NRXN1: variants seen among roughly 807,000 people sequenced by gnomAD.
NRXN1 encodes the protein neurexin 1.
NRXN1 carries 39 observed loss-of-function variants against 150.9 expected under a neutral mutation model. The ratio of observed to expected loss-of-function variants is 0.26; its 90% CI spans 0.20 to 0.34. The LOEUF (loss-of-function observed/expected upper bound fraction) is 0.34, where lower values mean the gene tolerates loss of function less well. Among genes scored for constraint, NRXN1 ranks in the 10% least tolerant of loss-of-function variants. NRXN1 has a pLI of 1.00. For missense variants in NRXN1, 1,815 were observed against 1,949.9 expected, an observed-to-expected ratio of 0.93 and a Z score of 1.30; for synonymous variants, 924 against 757.0, an observed-to-expected ratio of 1.22 and a Z score of -3.62.
intron 2 of NRXN1, among the ~76,000 whole-genome samples, chr2:51,025,556 TA>T (rs1664735038): frequency 6.6e-6 from 1 of 152,190 alleles, no homozygotes; most frequent in Non-Finnish European, 1.5e-5. Flanking sequence ...GGAAGGAAGC[TA>T]TATTTCATGG....
intron 5 of NRXN1, among the ~76,000 whole-genome samples, chr2:50,861,502 T>C (rs568015931): frequency 1.3e-5 from 2 of 152,254 alleles, no homozygotes; most frequent in South Asian, 2.1e-4. Flanking sequence ...AAATAATGTA[T>C]ACTGATTCGT....
chr2:50,242,074 C>T (rs1431901808), intron 17 of NRXN1, among the ~76,000 whole-genome samples: 2 of 151,666 alleles, frequency 1.3e-5, no homozygotes, highest in Non-Finnish European at 3.0e-5. Context: ...GTAGCCAACA[C>T]GAAACATTCA....
intron 19 of NRXN1, among the ~76,000 whole-genome samples, chr2:50,070,633 A>G (rs932247836): frequency 1.3e-5 from 2 of 151,290 alleles, no homozygotes; most frequent in African/African-American, 4.8e-5. Flanking sequence ...ATCCGGGCGT[A>G]GTGGCGGGCG....
At chr2:50,134,777 G>A (rs1324336975) in intron 18 of NRXN1, among the ~76,000 whole-genome samples, 1 of 152,068 alleles carries the variant, frequency 6.6e-6, no homozygotes, top group Admixed American at 6.5e-5. Context: ...CTCACAAACT[G>A]AGTCGCAGGT....
chr2:50,752,497 A>G (rs934936960), intron 5 of NRXN1, among the ~76,000 whole-genome samples: 6 of 151,944 alleles, frequency 3.9e-5, no homozygotes, highest in African/African-American at 1.4e-4. Flanking sequence ...AGGATTTCAA[A>G]CTGCTGATCT....
Position 50,552,797 on chromosome 2 carries a change from T to A in NRXN1, c.1549A>T (p.Ile517Phe). Reference sequence around the variant, plus strand: ...CTTGGCTTGCCATGGCTAAATAAGATGAGGCCATTTGGCTCTGTTGTACGG... The same window carrying A: ...CTTGGCTTGCCATGGCTAAATAAGAAGAGGCCATTTGGCTCTGTTGTACGG... ...DFRTTEPNGL[I>F]LFSHGKPRHQ... Residue 517 changes from isoleucine (I) to phenylalanine (F), a missense_variant, in exon 9 of 23, where the codon ATC becomes TTC. By Grantham distance (21) the Ile-to-Phe change is conservative. Transcript: ENST00000401669. 1.2e-6 allele frequency: 2 copies of A among 1,614,010 alleles called. No homozygotes were observed. The highest frequency in any genetic ancestry group is 1.7e-6 in the Non-Finnish European group (2 of 1,179,872).
At chr2:50,834,461 C>G (rs1438549255) in intron 5 of NRXN1, among the ~76,000 whole-genome samples, 1 of 152,042 alleles carries the variant, frequency 6.6e-6, no homozygotes, top group Non-Finnish European at 1.5e-5. Context: ...AAAACAATAA[C>G]TATAACAAAA....
At chr2:50,362,993 G>T (rs1309498400) in intron 17 of NRXN1, among the ~76,000 whole-genome samples, 1 of 152,104 alleles carries the variant, frequency 6.6e-6, no homozygotes, top group Non-Finnish European at 1.5e-5. Flanking sequence ...AATGGGGAAA[G>T]GATCCCCTAT....
At chr2:50,159,588 A>C (rs1370737083) in intron 18 of NRXN1, among the ~76,000 whole-genome samples, 1 of 152,208 alleles carries the variant, frequency 6.6e-6, no homozygotes, top group East Asian at 1.9e-4. Flanking sequence ...TAGCATGAGA[A>C]GCTCAAGTGA....
chr2:50,757,774 G>A (rs1018207456), intron 5 of NRXN1, among the ~76,000 whole-genome samples: 3 of 151,580 alleles, frequency 2.0e-5, no homozygotes, highest in African/African-American at 7.3e-5. Flanking sequence ...CCTCAAGAGA[G>A]GAGGTAACAT....
rs1015390891 is a variant in NRXN1 at position 49,997,813 on chromosome 2, G to A, written c.4129-54022C>T. Among the ~76,000 whole-genome samples, 3 of 152,082 alleles carry A rather than the reference G, an allele frequency of 2.0e-5. 1 individual carries two copies. The South Asian group carries it at 6.2e-4, about 31-fold the overall frequency. ...TTCATCTCTCTAAGATGAGTCTGAG[G>A]TCACTCTCTGCCTGGGAATCTGAGG... is the stretch of plus-strand genomic sequence containing the variant. On this transcript the variant is annotated intron_variant, in intron 21 of 22. Transcript: ENST00000401669.
intron 21 of NRXN1, among the ~76,000 whole-genome samples, chr2:50,039,689 G>A (rs546148524): frequency 5.5e-4 from 84 of 152,272 alleles, no homozygotes; most frequent in Non-Finnish European, 7.4e-4. Flanking sequence ...GTAGGTTGTT[G>A]AGGGAAAGAG....
intron 8 of NRXN1, among the ~76,000 whole-genome samples, chr2:50,588,148 T>C (rs1435460133): frequency 6.6e-6 from 1 of 152,180 alleles, no homozygotes; most frequent in Non-Finnish European, 1.5e-5. Flanking sequence ...GCCTATGTTC[T>C]AGGAGAGTTA....
intron 17 of NRXN1, among the ~76,000 whole-genome samples, chr2:50,383,187 G>C (rs1281008328): frequency 6.6e-6 from 1 of 152,132 alleles, no homozygotes; most frequent in Admixed American, 6.6e-5. Flanking sequence ...ATACTATTGT[G>C]AGGATTTCAG....
intron 18 of NRXN1, among the ~76,000 whole-genome samples, chr2:50,151,243 A>C (rs1317691427): frequency 6.6e-6 from 1 of 151,664 alleles, no homozygotes; most frequent in East Asian, 1.9e-4. Context: ...GGAGCCAATA[A>C]ATCTCCCCCT....
intron 21 of NRXN1, among the ~76,000 whole-genome samples, chr2:49,964,046 C>T (rs1281347297): frequency 6.6e-6 from 1 of 152,174 alleles, no homozygotes; most frequent in Non-Finnish European, 1.5e-5. Context: ...AGGCACAATG[C>T]TTCTAAAGCT....
chr2:50,139,374 T>C (rs1410047581), intron 18 of NRXN1, among the ~76,000 whole-genome samples: 2 of 150,334 alleles, frequency 1.3e-5, no homozygotes, highest in African/African-American at 4.9e-5. Flanking sequence ...CATGTGAACC[T>C]GAACTAATGT....
chr2:49,974,586 T>C (rs1678613922), intron 21 of NRXN1, among the ~76,000 whole-genome samples: 1 of 152,192 alleles, frequency 6.6e-6, no homozygotes, highest in East Asian at 1.9e-4. Flanking sequence ...AACTGTGCAA[T>C]TAGCATGGAA....
At chr2:50,053,650 G>T in intron 20 of NRXN1, 60 bp from the exon 21 acceptor site, 1 of 1,527,706 alleles carries the variant, frequency 6.5e-7, no homozygotes, top group Non-Finnish European at 9.1e-7. Context: ...TATCTACAAT[G>T]GATGATAAAA....
Sources: gnomAD v4.1 joint callset for allele counts (sites outside exome capture counted in the v4.1 genomes callset) on GRCh38, gnomAD v4.1.1 for gene constraint, MANE v1.5 for transcripts, NCBI Gene and HGNC (gene_info 2026-07-23, HGNC 2026-07-21) for gene names.